The following ABLIM1 variants were observed in gnomAD, a reference collection of about 807,000 sequenced individuals.
ABLIM1 encodes the protein actin binding LIM protein 1.
ABLIM1 carries 40 observed loss-of-function variants against 107.0 expected under a neutral mutation model. The ratio of observed to expected loss-of-function variants is 0.37; its 90% CI spans 0.29 to 0.49. The LOEUF (loss-of-function observed/expected upper bound fraction) is 0.49. ABLIM1 is among the 20% of genes least tolerant of loss of function. The pLI, the probability that ABLIM1 is intolerant of heterozygous loss-of-function variation, is 0.97. For missense variants in ABLIM1, 857 were observed against 1,008.5 expected, an observed-to-expected ratio of 0.85 and a Z score of 2.04; for synonymous variants, 357 against 357.3, an observed-to-expected ratio of 1.00 and a Z score of 0.01.
intron 22 of ABLIM1, among the ~76,000 whole-genome samples, chr10:114,436,602 T>A (rs1342686051): frequency 2.0e-5 from 3 of 152,188 alleles, no homozygotes; most frequent in Non-Finnish European, 4.4e-5. Flanking sequence ...ATGGGGATTA[T>A]AATAATAACA....
the ABLIM1 span, among the ~76,000 whole-genome samples, chr10:114,781,850 C>T: frequency 6.6e-6 from 1 of 151,808 alleles, no homozygotes; most frequent in Non-Finnish European, 1.5e-5. Context: ...AATTAAATTG[C>T]CAAAATCTAA....
chr10:114,439,946 T>C (rs2059960655), intron 20 of ABLIM1, 136 bp downstream of exon 20: 3 of 1,459,584 alleles, frequency 2.1e-6, no homozygotes, highest in Middle Eastern at 1.7e-4. Flanking sequence ...TTCACGGCTA[T>C]AGAGTAATGA....
intron 1 of ABLIM1, among the ~76,000 whole-genome samples, chr10:114,679,306 T>C (rs1467498753): frequency 1.3e-5 from 2 of 150,582 alleles, no homozygotes; most frequent in Non-Finnish European, 3.0e-5. Flanking sequence ...TGTTTGCTAT[T>C]AATTTTCTCC....
intron 1 of ABLIM1, among the ~76,000 whole-genome samples, chr10:114,751,618 C>T (rs760865476): frequency 4.6e-5 from 7 of 151,776 alleles, no homozygotes; most frequent in African/African-American, 1.2e-4. Context: ...GGCATGGTGG[C>T]GCACACATGT....
chr10:114,772,752 T>C (rs918122210), upstream of ABLIM1, among the ~76,000 whole-genome samples: 1 of 152,126 alleles, frequency 6.6e-6, no homozygotes, highest in East Asian at 1.9e-4. Context: ...AACAAATAGA[T>C]ACTAAGTAGT....
intron 14 of ABLIM1, among the ~76,000 whole-genome samples, chr10:114,449,305 CTT>C (rs2061501048): frequency 6.6e-6 from 1 of 152,160 alleles, no homozygotes; most frequent in Non-Finnish European, 1.5e-5. Flanking sequence ...CCTTAAATAA[CTT>C]TTTTCTTCTG....
chr10:114,579,165 C>T (rs527633502), intron 2 of ABLIM1, among the ~76,000 whole-genome samples: 1 of 150,092 alleles, frequency 6.7e-6, no homozygotes, highest in Non-Finnish European at 1.5e-5. Context: ...CAGCATGGCT[C>T]TGCTGTAGTA....
At position 114,580,205 on chromosome 10, in the gene ABLIM1, T is replaced by TTATATATTATATATA. The variant is rs560754012; in HGVS notation, c.380-4607_380-4606insTATATATAATATATA. On this transcript the variant is annotated intron_variant, in intron 2 of 22. Transcript: ENST00000533213. The stretch of plus-strand genomic sequence containing the variant: ...TTATTTTAATATTATATATTATATA[T>TTATATATTATATATA]TATATATATATATATTTTTTAGACA... Among the ~76,000 whole-genome samples the TTATATATTATATATA allele has an allele frequency of 3.3e-3, 480 of 144,856 alleles. 1 individual carries two copies. The highest frequency in any genetic ancestry group is 9.8e-3 in the African/African-American group (384 of 39,336).
chr10:114,465,305 C>T (rs1444336843), intron 12 of ABLIM1, among the ~76,000 whole-genome samples: 3 of 151,656 alleles, frequency 2.0e-5, no homozygotes, highest in African/African-American at 7.3e-5. Flanking sequence ...CATAATCCAG[C>T]TGTTAAAAAT....
At chr10:114,776,638 T>C in the ABLIM1 span, among the ~76,000 whole-genome samples, 8,596 of 152,218 alleles carry the variant, frequency 0.056, 314 homozygotes, top group Non-Finnish European at 0.083. Context: ...TGGATTTTTA[T>C]AATACAGTCA....
chr10:114,665,085 C>A (rs936068617), intron 1 of ABLIM1, among the ~76,000 whole-genome samples: 2 of 149,602 alleles, frequency 1.3e-5, no homozygotes, highest in African/African-American at 2.5e-5. Flanking sequence ...CCACTGCACT[C>A]CGGCCTCGGC....
chr10:114,795,728 AT>A, the ABLIM1 span, among the ~76,000 whole-genome samples: 3 of 151,976 alleles, frequency 2.0e-5, no homozygotes, highest in Non-Finnish European at 4.4e-5. Flanking sequence ...AAAAAAAGAA[AT>A]TACATTTCTG....
At chr10:114,648,295 G>A (rs965118433) in intron 1 of ABLIM1, among the ~76,000 whole-genome samples, 3 of 152,136 alleles carry the variant, frequency 2.0e-5, no homozygotes, top group Non-Finnish European at 2.9e-5. Flanking sequence ...ATCGGCTGAC[G>A]AAAAGATAAA....
At position 114,473,067 on chromosome 10, in the gene ABLIM1, A is replaced by T; in HGVS notation, c.1185T>A (p.Ile395=). Residue 395 remains isoleucine, a synonymous_variant, in exon 10 of 23, where the codon ATT becomes ATA. Transcript: ENST00000533213. ...DLAAIPKVKA[I]YDIERPDLIT... ...TAAGATCTGGACGTTCAATGTCATA[A>T]ATTGCCTTGACCTTCGGAATGGCTG... 2 of 1,613,632 alleles carry T rather than the reference A, an allele frequency of 1.2e-6. No homozygotes were observed. The highest frequency in any genetic ancestry group is 1.7e-6 in the Non-Finnish European group (2 of 1,179,754).
chr10:114,787,152 G>A, the ABLIM1 span, among the ~76,000 whole-genome samples: 7 of 150,060 alleles, frequency 4.7e-5, no homozygotes, highest in Admixed American at 1.3e-4. Context: ...CTGTCGCCCC[G>A]TCCGGGATGT....
At chr10:114,630,662 C>T (rs1481120745) in intron 1 of ABLIM1, among the ~76,000 whole-genome samples, 2 of 152,126 alleles carry the variant, frequency 1.3e-5, no homozygotes, top group Non-Finnish European at 2.9e-5. Flanking sequence ...TTGAGTTCAG[C>T]ATTTTCATCT....
chr10:114,657,882 G>A (rs2141202255), intron 1 of ABLIM1, 75 bp downstream of exon 1: 1 of 1,233,380 alleles, frequency 8.1e-7, no homozygotes, highest in Non-Finnish European at 1.2e-6. Context: ...ACAGAAGAAT[G>A]ATCTGGATAG....
At chr10:114,724,008 T>C (rs1333903214) in intron 1 of ABLIM1, among the ~76,000 whole-genome samples, 1 of 152,234 alleles carries the variant, frequency 6.6e-6, no homozygotes, top group African/African-American at 2.4e-5. Flanking sequence ...CTTTGACCTA[T>C]ATTCATTTTG....
chr10:114,609,377 G>A (rs1292395650), intron 1 of ABLIM1, among the ~76,000 whole-genome samples: 4 of 152,132 alleles, frequency 2.6e-5, no homozygotes, highest in South Asian at 2.1e-4. Flanking sequence ...TGACCCATAC[G>A]GCATAGCCCA....
Sources: gnomAD v4.1 joint callset for allele counts (sites outside exome capture counted in the v4.1 genomes callset) on GRCh38, gnomAD v4.1.1 for gene constraint, MANE v1.5 for transcripts, NCBI Gene and HGNC (gene_info 2026-07-23, HGNC 2026-07-21) for gene names.